The following THSD7B variants were observed in gnomAD, a reference collection of about 807,000 sequenced individuals.
THSD7B encodes thrombospondin type-1 domain-containing protein 7B.
In THSD7B, 138 loss-of-function variants were observed where a neutral mutation model predicts 213.6. That is an observed-to-expected ratio of 0.65 (90% CI 0.56 to 0.74). THSD7B has a LOEUF of 0.74. THSD7B is among the 30% of genes least tolerant of loss of function. THSD7B has a pLI of 0.00. For missense variants in THSD7B, 1,931 were observed against 1,991.5 expected, an observed-to-expected ratio of 0.97 and a Z score of 0.58; for synonymous variants, 742 against 687.0, an observed-to-expected ratio of 1.08 and a Z score of -1.25.
intron 7 of THSD7B, among the ~76,000 whole-genome samples, chr2:137,226,946 G>A (rs1259134959): frequency 2.6e-5 from 4 of 152,144 alleles, no homozygotes; most frequent in Non-Finnish European, 5.9e-5. Flanking sequence ...AGGTGAATGT[G>A]CCTCCAAAAT....
chr2:137,261,636 T>A (rs562586835), intron 10 of THSD7B, among the ~76,000 whole-genome samples: 1 of 152,262 alleles, frequency 6.6e-6, no homozygotes, highest in Non-Finnish European at 1.5e-5. Flanking sequence ...GCAGAAGTAG[T>A]GACAGCAATA....
intron 2 of THSD7B, among the ~76,000 whole-genome samples, chr2:136,964,831 T>C (rs1472770001): frequency 6.6e-6 from 1 of 151,958 alleles, no homozygotes; most frequent in Non-Finnish European, 1.5e-5. Context: ...TGACACTGTG[T>C]CTCTACTAAA....
At chr2:137,048,215 C>T (rs1687002853) in intron 2 of THSD7B, among the ~76,000 whole-genome samples, 1 of 152,076 alleles carries the variant, frequency 6.6e-6, no homozygotes, top group Non-Finnish European at 1.5e-5. Context: ...TTTTATAATG[C>T]ATTTTGAAAG....
At chr2:136,826,867 AG>A (rs1682653339) in intron 1 of THSD7B, among the ~76,000 whole-genome samples, 1 of 152,234 alleles carries the variant, frequency 6.6e-6, no homozygotes, top group South Asian at 2.1e-4. Context: ...GACATGGTTT[AG>A]CAATAGCATT....
intron 10 of THSD7B, among the ~76,000 whole-genome samples, chr2:137,247,266 A>G (rs1682060700): frequency 6.6e-6 from 1 of 152,214 alleles, no homozygotes. Context: ...GAAGTTTCAA[A>G]CATATGCATA....
rs1018674077 is a variant in THSD7B at position 137,071,573 on chromosome 2, T to C, written c.950+14343T>C. Among the ~76,000 whole-genome samples the C allele has an allele frequency of 1.1e-4, 16 of 152,344 alleles. 1 individual carries two copies. In the South Asian group the frequency reaches 3.3e-3, roughly 32 times the overall value. On this transcript the variant is annotated intron_variant, in intron 3 of 27. Coordinates refer to ENST00000409968, the MANE Select transcript of THSD7B (RefSeq NM_001316349.2). ...GCTCTTTAGTTTAATTAGATCCCATTTGTCAATATTGGCTTTTGTTGCCAT... is the reference window on the plus strand; with the variant it reads ...GCTCTTTAGTTTAATTAGATCCCATCTGTCAATATTGGCTTTTGTTGCCAT...
Position 136,838,870 on chromosome 2 carries a change from T to G in THSD7B, c.-35-43274T>G, listed in dbSNP as rs560614453. 2.0e-5 allele frequency among the ~76,000 whole-genome samples: 3 copies of G among 152,296 alleles called. No homozygotes were observed. In the East Asian group the frequency reaches 5.8e-4, roughly 29 times the overall value. ...AAATCATCATTTCCTGCCTGAAGTC[T>G]CTACTTGTGCAGCTGCCTTGCTCTG... On this transcript the variant is annotated intron_variant, in intron 1 of 27. Transcript: ENST00000409968.
intron 3 of THSD7B, among the ~76,000 whole-genome samples, chr2:137,076,189 A>C (rs1687618398): frequency 6.6e-6 from 1 of 152,210 alleles, no homozygotes; most frequent in African/African-American, 2.4e-5. Flanking sequence ...CCAGAGGTGG[A>C]GCCTACAGAG....
intron 15 of THSD7B, among the ~76,000 whole-genome samples, chr2:137,492,513 CTCAA>C: frequency 6.6e-6 from 1 of 152,228 alleles, no homozygotes; most frequent in East Asian, 1.9e-4. Flanking sequence ...CTCATCTGCC[CTCAA>C]TACTTTTCCT....
intron 3 of THSD7B, among the ~76,000 whole-genome samples, chr2:137,077,968 T>G (rs1464343900): frequency 6.6e-6 from 1 of 152,226 alleles, no homozygotes; most frequent in Non-Finnish European, 1.5e-5. Context: ...GGTGTAACAT[T>G]TAAGTCTTTA....
chr2:137,477,434 G>C (rs977203972), intron 15 of THSD7B, among the ~76,000 whole-genome samples: 13 of 151,928 alleles, frequency 8.6e-5, no homozygotes, highest in African/African-American at 3.1e-4. Context: ...GCATATAATT[G>C]AGTCATGTTC....
Position 137,374,863 on chromosome 2 carries a change from C to T in THSD7B, c.2501-30750C>T, listed in dbSNP as rs541798719. Among the ~76,000 whole-genome samples the T allele has an allele frequency of 1.6e-4, 24 of 152,220 alleles. No individual in the cohort carries two copies. The South Asian group carries it at 3.1e-3, about 20-fold the overall frequency. On this transcript the variant is annotated intron_variant, in intron 12 of 27. Transcript: ENST00000409968. ...TTGCATATCAATACACTTGAGTTTC[C>T]ATGAGCCTAGCGAGTGGGTCATGCA... is the stretch of plus-strand genomic sequence containing the variant.
chr2:136,812,267 A>G (rs893909186), intron 1 of THSD7B, among the ~76,000 whole-genome samples: 1 of 152,180 alleles, frequency 6.6e-6, no homozygotes, highest in African/African-American at 2.4e-5. Context: ...TAATTGGCCA[A>G]CACCTTACCA....
chr2:137,129,128 T>A (rs1443428931), intron 5 of THSD7B, among the ~76,000 whole-genome samples: 1 of 152,168 alleles, frequency 6.6e-6, no homozygotes, highest in Non-Finnish European at 1.5e-5. Flanking sequence ...TGTAACCTTT[T>A]ATAAAGAAGA....
chr2:136,988,511 G>C (rs184643604), intron 2 of THSD7B, among the ~76,000 whole-genome samples: 9 of 152,252 alleles, frequency 5.9e-5, no homozygotes, highest in African/African-American at 2.2e-4. Context: ...ATCTTACTTG[G>C]GAAGACTGGC....
intron 1 of THSD7B, among the ~76,000 whole-genome samples, chr2:136,809,478 A>C (rs530516614): frequency 2.1e-4 from 32 of 152,220 alleles, no homozygotes; most frequent in African/African-American, 7.2e-4. Flanking sequence ...ACCAAATTTA[A>C]TGTGCCATGA....
In THSD7B at chr2:137,019,383, G is replaced by T. The variant is rs182507464; in HGVS notation, c.140-37037G>T. Among the ~76,000 whole-genome samples, 1,066 of 152,284 alleles carry T rather than the reference G, an allele frequency of 7.0e-3. 15 individuals carry two copies. Among genetic ancestry groups the T allele is most frequent in the African/African-American group, 0.025 (1,023 of 41,550 alleles). On this transcript the variant is annotated intron_variant, in intron 2 of 27. Transcript: ENST00000409968. ...AACTGACCACATGGAGTGATCATCT[G>T]CTTAAAAATCCTTTTGTGGCTGTCA...
At chr2:137,254,438 C>T (rs557585700) in intron 10 of THSD7B, among the ~76,000 whole-genome samples, 3 of 152,308 alleles carry the variant, frequency 2.0e-5, no homozygotes, top group African/African-American at 7.2e-5. Context: ...AATATCCTCT[C>T]TCATTGCTGA....
chr2:137,084,677 A>G (rs1687805248), intron 3 of THSD7B, among the ~76,000 whole-genome samples: 1 of 152,198 alleles, frequency 6.6e-6, no homozygotes, highest in Admixed American at 6.5e-5. Context: ...CTTGAAAGCC[A>G]CATATTCTAG....
Sources: allele counts gnomAD v4.1 joint callset (sites outside exome capture counted in the v4.1 genomes callset), GRCh38; gene constraint gnomAD v4.1.1; transcripts MANE v1.5; gene names NCBI Gene and HGNC (gene_info 2026-07-23, HGNC 2026-07-21).